The following CTNNA2 variants were observed in gnomAD, a reference collection of about 807,000 sequenced individuals.
The protein encoded by CTNNA2 is catenin alpha-2.
In CTNNA2, 42 loss-of-function variants were observed where a neutral mutation model predicts 101.0. The observed-to-expected ratio is 0.42, with a 90% CI of 0.32 to 0.54. The LOEUF (loss-of-function observed/expected upper bound fraction) is 0.54. Ranked by LOEUF, CTNNA2 falls within the 20% of genes least tolerant of loss-of-function variation. The pLI is 0.14. For missense variants in CTNNA2, 871 were observed against 1,223.1 expected (o/e 0.71, Z 4.29); for synonymous variants, 450 against 456.4 (o/e 0.99, Z 0.18).
chr2:79,416,763 CAG>C (rs1429404773), intron 4 of CTNNA2, among the ~76,000 whole-genome samples: 7 of 152,002 alleles, frequency 4.6e-5, no homozygotes, highest in Admixed American at 2.0e-4. Flanking sequence ...GGTTACAAGA[CAG>C]AGAAAATTTC....
intron 9 of CTNNA2, among the ~76,000 whole-genome samples, chr2:80,440,293 A>T (rs1366271804): frequency 2.0e-5 from 3 of 152,232 alleles, no homozygotes; most frequent in Non-Finnish European, 2.9e-5. Context: ...TAGAAAGAAC[A>T]ATGGACATTG....
At chr2:79,637,715 G>A (rs1680172021) in intron 1 of CTNNA2, among the ~76,000 whole-genome samples, 1 of 152,134 alleles carries the variant, frequency 6.6e-6, no homozygotes, top group South Asian at 2.1e-4. Context: ...TCTTAAAGTT[G>A]TGTATTTTCT....
chr2:79,760,411 G>C (rs936887775), intron 3 of CTNNA2, among the ~76,000 whole-genome samples: 1 of 152,014 alleles, frequency 6.6e-6, no homozygotes. Context: ...GCAGTTGTGG[G>C]ACTAGCAAGT....
At chr2:80,177,978 G>C (rs58998698) in intron 7 of CTNNA2, among the ~76,000 whole-genome samples, 32,776 of 152,234 alleles carry the variant, frequency 0.22, 5,390 homozygotes, top group African/African-American at 0.45. Context: ...GCCCTAGAAA[G>C]GGGCTGTAGT....
chr2:80,500,682 C>T (rs1438052848), intron 9 of CTNNA2, among the ~76,000 whole-genome samples: 1 of 152,186 alleles, frequency 6.6e-6, no homozygotes, highest in Non-Finnish European at 1.5e-5. Context: ...CACTTTCTCT[C>T]TCCCTCCCCC....
chr2:79,632,732 A>G (rs577250467), intron 1 of CTNNA2, among the ~76,000 whole-genome samples: 1 of 152,346 alleles, frequency 6.6e-6, no homozygotes, highest in African/African-American at 2.4e-5. Flanking sequence ...ATTACTTCAC[A>G]ATGATTGGGG....
intron 7 of CTNNA2, among the ~76,000 whole-genome samples, chr2:80,240,960 A>AGGTCCATG (rs1157934502): frequency 6.6e-6 from 1 of 152,182 alleles, no homozygotes; most frequent in African/African-American, 2.4e-5. Flanking sequence ...GGAGCCAGAC[A>AGGTCCATG]GGTCCATGAA....
intron 12 of CTNNA2, among the ~76,000 whole-genome samples, chr2:80,561,451 C>G (rs1236426084): frequency 6.6e-6 from 1 of 152,092 alleles, no homozygotes; most frequent in Non-Finnish European, 1.5e-5. Flanking sequence ...AAAGCAAATG[C>G]AAGGTTTTGG....
chr2:79,722,227 G>A (rs1288023924), intron 2 of CTNNA2, among the ~76,000 whole-genome samples: 1 of 152,144 alleles, frequency 6.6e-6, no homozygotes, highest in Non-Finnish European at 1.5e-5. Context: ...TCATCAATAA[G>A]CAGGCAGAAC....
intron 3 of CTNNA2, among the ~76,000 whole-genome samples, chr2:79,826,160 G>T (rs1463531739): frequency 6.6e-6 from 1 of 152,000 alleles, no homozygotes; most frequent in East Asian, 1.9e-4. Context: ...ATTTGTAGTA[G>T]TCAATGTAAA....
intron 1 of CTNNA2, among the ~76,000 whole-genome samples, chr2:79,521,660 G>A (rs1672127795): frequency 6.6e-6 from 1 of 152,142 alleles, no homozygotes; most frequent in Non-Finnish European, 1.5e-5. Context: ...GTAAATGATT[G>A]TTGGGTAAGT....
chr2:80,213,234 G>A (rs1708024629), intron 7 of CTNNA2, among the ~76,000 whole-genome samples: 1 of 151,940 alleles, frequency 6.6e-6, no homozygotes, highest in African/African-American at 2.4e-5. Context: ...TCTGATCTTA[G>A]TTATTTCTTG....
intron 9 of CTNNA2, among the ~76,000 whole-genome samples, chr2:80,529,369 A>G (rs867591725): frequency 6.6e-6 from 1 of 152,218 alleles, no homozygotes; most frequent in Admixed American, 6.5e-5. Flanking sequence ...CTAAATACCA[A>G]TGGAAAAGTA....
rs78228207 is a variant in CTNNA2 at position 79,336,083 on chromosome 2, T to C, written c.-318+23287T>C. Among the ~76,000 whole-genome samples, 887 of 152,298 alleles carry C rather than the reference T, an allele frequency of 5.8e-3. 9 individuals are homozygous for C. Among genetic ancestry groups the C allele is most frequent in the East Asian group, 0.038 (195 of 5,170 alleles). On this transcript the variant is annotated intron_variant, in intron 3 of 21. Transcript: ENST00000466387. ...GAGAGAAAAATGAGCAAACTATGCT[T>C]TTTCTTTTTAGTCATGAGGAATATG...
intron 7 of CTNNA2, among the ~76,000 whole-genome samples, chr2:80,233,391 G>A (rs1257777777): frequency 1.3e-5 from 2 of 152,000 alleles, no homozygotes; most frequent in Non-Finnish European, 2.9e-5. Context: ...CTCTGTCATG[G>A]CATTTTAATA....
chr2:79,755,044 A>G (rs1034558002), intron 3 of CTNNA2, among the ~76,000 whole-genome samples: 1 of 152,014 alleles, frequency 6.6e-6, no homozygotes, highest in African/African-American at 2.4e-5. Context: ...TACTATTCAC[A>G]GCCGGGTACA....
intron 4 of CTNNA2, among the ~76,000 whole-genome samples, chr2:79,400,466 A>G (rs564525386): frequency 6.6e-6 from 1 of 152,164 alleles, no homozygotes; most frequent in African/African-American, 2.4e-5. Flanking sequence ...ATTTAAAATA[A>G]TCAAATGGAA....
At chr2:79,624,873 T>C (rs2104312850) in intron 1 of CTNNA2, among the ~76,000 whole-genome samples, 1 of 152,282 alleles carries the variant, frequency 6.6e-6, no homozygotes, top group East Asian at 1.9e-4. Flanking sequence ...TGCCCCAGTC[T>C]GGGCATGGGC....
chr2:79,793,346 G>A (rs1437622845), intron 3 of CTNNA2, among the ~76,000 whole-genome samples: 1 of 152,164 alleles, frequency 6.6e-6, no homozygotes, highest in South Asian at 2.1e-4. Context: ...TCCCATGGGG[G>A]TGAGACAGAG....
Sources: allele counts gnomAD v4.1 joint callset (sites outside exome capture counted in the v4.1 genomes callset), GRCh38; gene constraint gnomAD v4.1.1; transcripts MANE v1.5; gene names NCBI Gene and HGNC (gene_info 2026-07-23, HGNC 2026-07-21).